The following FIG4 variants were observed in gnomAD, a reference collection of about 807,000 sequenced individuals.
FIG4 encodes the protein polyphosphoinositide phosphatase.
Under a neutral mutation model 118.6 loss-of-function variants are expected in FIG4, and 112 were observed. That is an observed-to-expected ratio of 0.94 (90% CI 0.81 to 1.11). The LOEUF is 1.11. FIG4 is among the 50% of genes least tolerant of loss of function. FIG4 has a pLI of 0.00. For synonymous variants in FIG4, 369 were observed against 381.2 expected, an observed-to-expected ratio of 0.97 and a Z score of 0.37; for missense variants, 969 against 1,111.7, an observed-to-expected ratio of 0.87 and a Z score of 1.83.
intron 4 of FIG4, among the ~76,000 whole-genome samples, chr6:109,732,300 C>T (rs1409353738): frequency 2.6e-5 from 4 of 152,164 alleles, no homozygotes; most frequent in Non-Finnish European, 4.4e-5. Context: ...TCTCTCCATC[C>T]TCAAAGCATT....
intron 10 of FIG4, among the ~76,000 whole-genome samples, chr6:109,751,801 C>A (rs1307508327): frequency 6.0e-5 from 3 of 49,914 alleles, no homozygotes; most frequent in Non-Finnish European, 1.1e-4. Flanking sequence ...TGATTCTTCT[C>A]TCTTTTTTTC....
chr6:109,814,434 G>C (rs986380008), intron 22 of FIG4, among the ~76,000 whole-genome samples: 10 of 135,450 alleles, frequency 7.4e-5, no homozygotes, highest in Middle Eastern at 3.7e-3. Context: ...GAGCCACCGT[G>C]CCTGGCCTAA....
intron 1 of FIG4, among the ~76,000 whole-genome samples, chr6:109,705,616 G>T (rs946736125): frequency 5.3e-5 from 8 of 152,202 alleles, no homozygotes; most frequent in African/African-American, 1.9e-4. Context: ...TGGAAGTACA[G>T]ATCTGCCTTC....
chr6:109,778,336 G>T (rs1030830854), intron 16 of FIG4, among the ~76,000 whole-genome samples: 1 of 151,734 alleles, frequency 6.6e-6, no homozygotes, highest in South Asian at 2.1e-4. Context: ...TGGGCATGGT[G>T]GTACGTGCCT....
Position 109,741,473 on chromosome 6 carries a change from G to T in FIG4, c.805G>T (p.Val269Phe), listed in dbSNP as rs1474263523. 2 of 1,613,220 alleles carry T rather than the reference G, an allele frequency of 1.2e-6. No individual in the cohort carries two copies. Among genetic ancestry groups the T allele is most frequent in the Middle Eastern group, 1.7e-4 (1 of 6,054 alleles). ...GTTGATCTATGGACGACCAGTGTAT[G>T]TCACTCTAATAGCTAGAAGATCCAG... ...KLLIYGRPVY[V>F]TLIARRSSKF... The change falls in exon 8 of 23, where the codon GTC (valine) becomes TTC (phenylalanine). Residue 269 changes from valine (V) to phenylalanine (F), a missense_variant. Val to Phe is a conservative substitution (Grantham distance 50). Transcript: ENST00000230124.
At chr6:109,697,261 CAAAAA>C (rs566216314) in intron 1 of FIG4, among the ~76,000 whole-genome samples, 2 of 63,206 alleles carry the variant, frequency 3.2e-5, no homozygotes, top group African/African-American at 5.3e-5. Context: ...GACTCTGTCT[CAAAAA>C]AAAAAAAAAA....
chr6:109,802,217 C>T (rs1778445248), intron 22 of FIG4, among the ~76,000 whole-genome samples: 1 of 152,100 alleles, frequency 6.6e-6, no homozygotes, highest in South Asian at 2.1e-4. Flanking sequence ...TTTTCTATTT[C>T]TAATTACCTC....
intron 15 of FIG4, among the ~76,000 whole-genome samples, chr6:109,771,273 A>G (rs897716320): frequency 6.6e-6 from 1 of 152,188 alleles, no homozygotes; most frequent in Non-Finnish European, 1.5e-5. Context: ...TAAACAGACT[A>G]CAGTTCTCCA....
intron 20 of FIG4, among the ~76,000 whole-genome samples, chr6:109,792,371 C>T (rs2128397452): frequency 6.6e-6 from 1 of 152,270 alleles, no homozygotes; most frequent in East Asian, 1.9e-4. Flanking sequence ...TATTTAACAG[C>T]TTTTTAAAAT....
chr6:109,758,242 A>G (rs972613615), intron 10 of FIG4, among the ~76,000 whole-genome samples: 1 of 152,210 alleles, frequency 6.6e-6, no homozygotes, highest in Non-Finnish European at 1.5e-5. Context: ...ACAGCATGGT[A>G]CTGGTACCAA....
intron 21 of FIG4, among the ~76,000 whole-genome samples, chr6:109,795,002 CTT>C (rs1368984259): frequency 6.6e-6 from 1 of 151,314 alleles, no homozygotes; most frequent in African/African-American, 2.4e-5. Flanking sequence ...CTATGTCTTC[CTT>C]TTCCCTCACC....
chr6:109,819,168 T>C (rs965936909), intron 22 of FIG4, among the ~76,000 whole-genome samples: 8 of 152,208 alleles, frequency 5.3e-5, no homozygotes, highest in African/African-American at 1.9e-4. Context: ...CTGCCTCTGC[T>C]CCTGATATAC....
chr6:109,809,460 T>C (rs953451558), intron 22 of FIG4, among the ~76,000 whole-genome samples: 4 of 152,238 alleles, frequency 2.6e-5, no homozygotes, highest in African/African-American at 9.6e-5. Flanking sequence ...TAAATATCAC[T>C]AGATATAACC....
chr6:109,691,365 T>A lies in FIG4; in HGVS notation c.-71T>A. 2 of 1,305,044 alleles carry A rather than the reference T, an allele frequency of 1.5e-6. No individual in the cohort carries two copies. The highest frequency in any genetic ancestry group is 2.2e-6 in the Non-Finnish European group (2 of 922,880). The allele number at this position is 1,305,044 out of a possible 1,614,324, so 80.8% of individuals were successfully genotyped here. On this transcript the variant is annotated 5_prime_UTR_variant, in exon 1 of 23. Coordinates refer to ENST00000230124, the MANE Select transcript of FIG4 (RefSeq NM_014845.6). ...GACTTGATGTCCAGGGCCTGAGGGG[T>A]TTTCTCGCCGAGTCTCCTGGGGCGG...
intron 3 of FIG4, among the ~76,000 whole-genome samples, chr6:109,720,344 A>T (rs114424002): frequency 0.021 from 3,177 of 152,330 alleles, 101 homozygotes; most frequent in African/African-American, 0.073. Flanking sequence ...ACACGTGTGA[A>T]ATGACTAGAA....
Position 109,735,200 on chromosome 6 carries a change from G to C in FIG4, c.548G>C (p.Arg183Pro), listed in dbSNP as rs781588508. The C allele has an allele frequency of 1.2e-6, 2 of 1,612,712 alleles. No individual in the cohort carries two copies. The highest frequency in any genetic ancestry group is 1.7e-6 in the Non-Finnish European group (2 of 1,178,958). Residue 183 changes from arginine to proline, a missense_variant, in exon 6 of 23, where the codon CGA becomes CCA. Around this residue, in one of 3 missense-constraint regions of FIG4, gnomAD observed 393 missense variants for 409.4 expected, o/e 0.96. Transcript: ENST00000230124. ...HSLQYNLTVL[R>P]MPLEMLKSEM... ...CTTCAATATAATCTCACTGTCTTGC[G>C]AATGCCCCTGGAGATGTTAAAGTCA...
At chr6:109,715,972 G>A (rs1775417154) in intron 2 of FIG4, among the ~76,000 whole-genome samples, 1 of 152,092 alleles carries the variant, frequency 6.6e-6, no homozygotes, top group African/African-American at 2.4e-5. Context: ...TGCTACTCCT[G>A]GGGTCCATTC....
At chr6:109,746,321 T>C (rs1368914520) in intron 10 of FIG4, among the ~76,000 whole-genome samples, 2 of 152,106 alleles carry the variant, frequency 1.3e-5, no homozygotes, top group Non-Finnish European at 2.9e-5. Flanking sequence ...CAGCCTGTTG[T>C]AGGAGATGGT....
chr6:109,711,911 C>T (rs889549912), intron 1 of FIG4, among the ~76,000 whole-genome samples: 6 of 152,062 alleles, frequency 3.9e-5, no homozygotes, highest in African/African-American at 1.2e-4. Flanking sequence ...CTTTCCTTTC[C>T]GTATTTAGTG....
Sources: allele counts gnomAD v4.1 joint callset (sites outside exome capture counted in the v4.1 genomes callset), GRCh38; gene constraint gnomAD v4.1.1; regional missense constraint gnomAD v4.1.1; transcripts MANE v1.5; gene names NCBI Gene and HGNC (gene_info 2026-07-23, HGNC 2026-07-21).